EPB41: variants seen among roughly 807,000 people sequenced by gnomAD.
EPB41 encodes the protein erythrocyte membrane protein band 4.1, also known as protein 4.1.
In EPB41, 65 loss-of-function variants were observed where a neutral mutation model predicts 108.0. That is an observed-to-expected ratio of 0.60 (90% CI 0.49 to 0.74). The LOEUF (loss-of-function observed/expected upper bound fraction) is 0.74. EPB41 is among the 30% of genes least tolerant of loss of function. The pLI, the probability that EPB41 is intolerant of heterozygous loss-of-function variation, is 0.00. For missense variants in EPB41, 875 were observed against 1,037.0 expected (o/e 0.84, Z 2.15); for synonymous variants, 336 against 358.9 (o/e 0.94, Z 0.72).
intron 7 of EPB41, among the ~76,000 whole-genome samples, chr1:29,028,410 A>G (rs1179477105): frequency 1.3e-5 from 2 of 152,230 alleles, no homozygotes; most frequent in Non-Finnish European, 2.9e-5. Context: ...ATTCATGTCT[A>G]TAAAGCAGTT....
At chr1:28,975,209 GGC>G (rs1459279718) in intron 1 of EPB41, among the ~76,000 whole-genome samples, 2 of 152,176 alleles carry the variant, frequency 1.3e-5, no homozygotes, top group Non-Finnish European at 2.9e-5. Flanking sequence ...TGGAATTACA[GGC>G]GTGAGTTACC....
rs559707897 is a variant in EPB41 at position 28,931,674 on chromosome 1, G to A, written c.-8+16906G>A. Among the ~76,000 whole-genome samples the A allele has an allele frequency of 1.6e-4, 24 of 151,310 alleles. No individual in the cohort carries two copies. In the East Asian group the frequency reaches 4.5e-3, roughly 28 times the overall value. The stretch of plus-strand genomic sequence containing the variant: ...CTCCCGAGTAGCTGGGATTACAGGC[G>A]CCCGCCACCACGTCTGGCTGATTTT... On this transcript the variant is annotated intron_variant, in intron 1 of 20. Transcript: ENST00000343067.
At chr1:28,928,223 G>A (rs1359512292) in intron 1 of EPB41, among the ~76,000 whole-genome samples, 8 of 151,910 alleles carry the variant, frequency 5.3e-5, no homozygotes, top group African/African-American at 1.9e-4. Context: ...CAACACATAT[G>A]TTTTCTAGTG....
At chr1:28,997,753 G>A (rs2096214519) in intron 4 of EPB41, among the ~76,000 whole-genome samples, 1 of 151,786 alleles carries the variant, frequency 6.6e-6, no homozygotes, top group African/African-American at 2.4e-5. Context: ...TAATTTGAAA[G>A]CAACATTATG....
At chr1:28,970,243 A>G (rs2095463947) in intron 1 of EPB41, among the ~76,000 whole-genome samples, 1 of 152,196 alleles carries the variant, frequency 6.6e-6, no homozygotes, top group South Asian at 2.1e-4. Flanking sequence ...CTGCTAAAAC[A>G]ATCCATGATC....
chr1:28,908,595 C>T (rs2092019716), intron 1 of EPB41, among the ~76,000 whole-genome samples: 1 of 149,908 alleles, frequency 6.7e-6, no homozygotes, highest in Non-Finnish European at 1.5e-5. Flanking sequence ...CCACGCCTGG[C>T]TAATTTTCAT....
At chr1:29,108,867 T>C (rs542535810) in intron 17 of EPB41, among the ~76,000 whole-genome samples, 111 of 146,536 alleles carry the variant, frequency 7.6e-4, no homozygotes, top group African/African-American at 2.5e-3. Flanking sequence ...CAATTTATTT[T>C]ATTTGTTAAG....
chr1:29,061,989 T>A (rs1646650006), intron 15 of EPB41, among the ~76,000 whole-genome samples: 1 of 152,242 alleles, frequency 6.6e-6, no homozygotes, highest in African/African-American at 2.4e-5. Context: ...TTGTTATGTA[T>A]AAAGTCTCTG....
intron 1 of EPB41, among the ~76,000 whole-genome samples, chr1:28,896,821 G>A (rs1219063461): frequency 1.4e-5 from 1 of 70,080 alleles, no homozygotes; most frequent in Non-Finnish European, 3.0e-5. Flanking sequence ...CATGGGATAA[G>A]GAGCAGCGAT....
chr1:28,934,983 C>T (rs896850440), intron 1 of EPB41, among the ~76,000 whole-genome samples: 27 of 151,842 alleles, frequency 1.8e-4, no homozygotes, highest in African/African-American at 6.1e-4. Context: ...GGGGTGGTGG[C>T]GCATCCTTGT....
chr1:28,915,633 A>T (rs981152295), intron 1 of EPB41, among the ~76,000 whole-genome samples: 1 of 149,884 alleles, frequency 6.7e-6, no homozygotes, highest in Non-Finnish European at 1.5e-5. Context: ...TGTACCCTGT[A>T]CCCTGCCATA....
intron 1 of EPB41, among the ~76,000 whole-genome samples, chr1:28,986,684 C>T (rs1368930881): frequency 6.6e-6 from 1 of 151,946 alleles, no homozygotes; most frequent in African/African-American, 2.4e-5. Flanking sequence ...AATCCCAGCT[C>T]TTAGGGAGGC....
At chr1:28,975,652 C>T (rs899860633) in intron 1 of EPB41, among the ~76,000 whole-genome samples, 2 of 152,012 alleles carry the variant, frequency 1.3e-5, no homozygotes, top group Admixed American at 6.6e-5. Context: ...TCATTCTACA[C>T]GTACACTCTG....
intron 7 of EPB41, among the ~76,000 whole-genome samples, chr1:29,026,426 A>G (rs185089395): frequency 2.6e-5 from 4 of 152,350 alleles, no homozygotes; most frequent in Admixed American, 2.6e-4. Flanking sequence ...ATACACAGAT[A>G]CATACTCTAA....
chr1:29,113,297 G>C (rs770956663), intron 19 of EPB41, among the ~76,000 whole-genome samples: 6 of 152,246 alleles, frequency 3.9e-5, no homozygotes, highest in Non-Finnish European at 7.3e-5. Flanking sequence ...CGTTGACTGG[G>C]TTGCTGGAGC....
intron 16 of EPB41, among the ~76,000 whole-genome samples, chr1:29,066,623 A>G (rs964402668): frequency 2.0e-5 from 3 of 152,232 alleles, no homozygotes; most frequent in Non-Finnish European, 4.4e-5. Context: ...CCAAAACAAT[A>G]GCAATTCTAG....
upstream of EPB41, chr1:28,911,195 C>A (rs2092239152): frequency 1.0e-6 from 1 of 984,610 alleles, no homozygotes; most frequent in African/African-American, 1.7e-5. Flanking sequence ...AGAGATTGGG[C>A]ACTTAGCCTA....
chr1:28,975,825 G>A (rs544905308), intron 1 of EPB41, among the ~76,000 whole-genome samples: 1 of 151,464 alleles, frequency 6.6e-6, no homozygotes. Context: ...AAAATTAGCC[G>A]GGCATGGTGG....
chr1:28,944,050 A>G (rs1422049222), intron 1 of EPB41, among the ~76,000 whole-genome samples: 1 of 152,232 alleles, frequency 6.6e-6, no homozygotes, highest in Non-Finnish European at 1.5e-5. Flanking sequence ...AGACCCTGTT[A>G]TTTGCAACAA....
Sources: allele counts gnomAD v4.1 joint callset (sites outside exome capture counted in the v4.1 genomes callset), GRCh38; gene constraint gnomAD v4.1.1; transcripts MANE v1.5; gene names NCBI Gene and HGNC (gene_info 2026-07-23, HGNC 2026-07-21).